The following PIGN variants were observed in gnomAD, a reference collection of about 807,000 sequenced individuals.
PIGN encodes the protein GPI ethanolamine phosphate transferase 1.
In PIGN, 117 loss-of-function variants were observed where a neutral mutation model predicts 125.4. The ratio of observed to expected loss-of-function variants is 0.93; its 90% confidence interval spans 0.80 to 1.09. The LOEUF (loss-of-function observed/expected upper bound fraction) is 1.09. PIGN is among the 50% of genes least tolerant of loss of function. PIGN has a pLI of 0.00. For missense variants in PIGN, 1,075 were observed against 1,094.9 expected (o/e 0.98, Z 0.26); for synonymous variants, 392 against 377.8 (o/e 1.04, Z -0.44).
chr18:62,139,360 C>T (rs902731717), intron 12 of PIGN, among the ~76,000 whole-genome samples: 11 of 152,170 alleles, frequency 7.2e-5, no homozygotes, highest in Admixed American at 5.9e-4. Flanking sequence ...GAGTGCTTCA[C>T]GCACAAAAAA....
chr18:62,076,782 A>C (rs1464740419), intron 28 of PIGN, among the ~76,000 whole-genome samples: 2 of 152,248 alleles, frequency 1.3e-5, no homozygotes, highest in African/African-American at 2.4e-5. Context: ...CAGACTGATC[A>C]TATCTTACTG....
intron 22 of PIGN, among the ~76,000 whole-genome samples, chr18:62,098,661 T>C (rs2034310780): frequency 6.6e-6 from 1 of 152,182 alleles, no homozygotes; most frequent in Non-Finnish European, 1.5e-5. Context: ...TAGACCATGG[T>C]GTATCTGTGC....
intron 1 of PIGN, among the ~76,000 whole-genome samples, chr18:62,168,853 ATTTTTTTTTT>A (rs375012504): frequency 1.6e-4 from 19 of 122,252 alleles, no homozygotes; most frequent in Non-Finnish European, 2.8e-4. Context: ...ACAACCACTA[ATTTTTTTTTT>A]TTTTTTTTTT....
chr18:62,154,700 C>G (rs757268811), intron 6 of PIGN, 49 bp from the exon 7 acceptor site: 4 of 907,526 alleles, frequency 4.4e-6, no homozygotes, highest in Admixed American at 3.7e-5. Flanking sequence ...ATCTTTTAAA[C>G]TATCATAAAA....
intron 1 of PIGN, among the ~76,000 whole-genome samples, chr18:62,175,532 T>C (rs958212694): frequency 2.0e-5 from 3 of 152,052 alleles, no homozygotes; most frequent in African/African-American, 7.2e-5. Context: ...GTTCCAAGAG[T>C]AATATCCTGT....
downstream of PIGN, among the ~76,000 whole-genome samples, chr18:62,036,184 T>C (rs1057270582): frequency 6.6e-6 from 1 of 152,242 alleles, no homozygotes; most frequent in Non-Finnish European, 1.5e-5. Flanking sequence ...TGCATTGGCA[T>C]GCATCATTGC....
At chr18:62,139,786 A>G (rs1212351409) in intron 12 of PIGN, among the ~76,000 whole-genome samples, 2 of 152,196 alleles carry the variant, frequency 1.3e-5, no homozygotes, top group Non-Finnish European at 2.9e-5. Context: ...AAACTAAGGT[A>G]TAATGCTACT....
At chr18:62,049,551 T>A (rs1207430800) in intron 30 of PIGN, among the ~76,000 whole-genome samples, 1 of 147,154 alleles carries the variant, frequency 6.8e-6, no homozygotes, top group Non-Finnish European at 1.5e-5. Flanking sequence ...GATGGGGTTG[T>A]TTTTTTCTTG....
At chr18:62,100,734 A>C (rs1389516795) in intron 22 of PIGN, among the ~76,000 whole-genome samples, 1 of 152,306 alleles carries the variant, frequency 6.6e-6, no homozygotes, top group East Asian at 1.9e-4. Flanking sequence ...GTCCCTGTGT[A>C]AGAACAGAGA....
chr18:62,157,576 G>C, intron 5 of PIGN, 111 bp downstream of exon 5: 1 of 1,060,268 alleles, frequency 9.4e-7, no homozygotes, highest in Non-Finnish European at 1.4e-6. Context: ...TAAAACATTT[G>C]TCCAAAATAT....
At chr18:62,140,295 A>G in intron 12 of PIGN, 125 bp downstream of exon 12, 1 of 478,262 alleles carries the variant, frequency 2.1e-6, no homozygotes, top group Non-Finnish European at 3.8e-6. Flanking sequence ...CAGCCTGGGC[A>G]ACATAGCAAG....
intron 7 of PIGN, among the ~76,000 whole-genome samples, chr18:62,150,947 G>C (rs974542460): frequency 6.6e-6 from 1 of 151,958 alleles, no homozygotes; most frequent in Non-Finnish European, 1.5e-5. Flanking sequence ...TGATCCACCC[G>C]CCTCGGCCTC....
intron 28 of PIGN, among the ~76,000 whole-genome samples, chr18:62,081,831 A>T (rs1279902771): frequency 6.6e-6 from 1 of 152,162 alleles, no homozygotes; most frequent in Non-Finnish European, 1.5e-5. Flanking sequence ...CTAAAACTAG[A>T]AATGAGATTT....
chr18:62,154,175 T>C (rs1219973819), intron 7 of PIGN: 3 of 259,484 alleles, frequency 1.2e-5, no homozygotes, highest in African/African-American at 2.2e-5. Flanking sequence ...TTATTATAAA[T>C]GTATTACATT....
chr18:62,083,567 T>A (rs2033549396), intron 27 of PIGN, among the ~76,000 whole-genome samples: 1 of 152,154 alleles, frequency 6.6e-6, no homozygotes, highest in Non-Finnish European at 1.5e-5. Context: ...TAAAGCTTAC[T>A]GCATTGTGCT....
chr18:62,020,507 GTT>G (rs35743229), intron 23 of PIGN, among the ~76,000 whole-genome samples: 4 of 148,380 alleles, frequency 2.7e-5, no homozygotes, highest in South Asian at 2.1e-4. Context: ...CTTTAAAACA[GTT>G]TTTTTTTTTT....
intron 10 of PIGN, among the ~76,000 whole-genome samples, chr18:62,143,805 G>A (rs1225639775): frequency 1.3e-5 from 2 of 152,146 alleles, no homozygotes; most frequent in Non-Finnish European, 1.5e-5. Context: ...TGATGTTCCT[G>A]TAGTCACTAA....
intron 23 of PIGN, among the ~76,000 whole-genome samples, chr18:62,027,193 C>T (rs2030134061): frequency 6.6e-6 from 1 of 152,068 alleles, no homozygotes; most frequent in Admixed American, 6.6e-5. Flanking sequence ...CAGAGTGAGA[C>T]TCCATTTCAA....
chr18:62,077,509 G>A (rs946495124), intron 28 of PIGN, among the ~76,000 whole-genome samples: 1 of 151,852 alleles, frequency 6.6e-6, no homozygotes, highest in African/African-American at 2.4e-5. Context: ...TGATATTCTG[G>A]GATCCTTCTG....
Sources: gnomAD v4.1 joint callset for allele counts (sites outside exome capture counted in the v4.1 genomes callset) on GRCh38, gnomAD v4.1.1 for gene constraint, MANE v1.5 for transcripts, NCBI Gene and HGNC (gene_info 2026-07-23, HGNC 2026-07-21) for gene names.